Variants in SPATA31A7 observed in about 807,000 individuals in gnomAD.
SPATA31A7 encodes SPATA31 subfamily A member 7.
A neutral mutation model predicts 40.5 loss-of-function variants in SPATA31A7; 2 were observed. The observed-to-expected ratio is 0.05, with a 90% CI of 0.02 to 0.16. The LOEUF is 0.16. Among genes scored for constraint, SPATA31A7 ranks in the 10% least tolerant of loss-of-function variants. The pLI, the probability that SPATA31A7 is intolerant of heterozygous loss-of-function variation, is 1.00. For missense variants in SPATA31A7, 36 were observed against 590.3 expected, an observed-to-expected ratio of 0.06 and a Z score of 9.73; for synonymous variants, 17 against 231.9, an observed-to-expected ratio of 0.07 and a Z score of 8.42.
Position 61,194,008 on chromosome 9 carries a change from GTCCCTGGCAGTCC to G in SPATA31A7, c.1926_1938del (p.Trp643CysfsTer13), listed in dbSNP as rs1372908562. 6.0e-6 allele frequency: 9 copies of G among 1,509,380 alleles called. No homozygotes were observed. The highest frequency in any genetic ancestry group is 6.2e-6 in the Non-Finnish European group (7 of 1,133,410). The allele number at this position is 1,509,380 out of a possible 1,614,324, so 93.5% of individuals were successfully genotyped here. A position where few individuals can be genotyped will look rare whatever the true frequency, so the allele number is the denominator to read the frequency against. On this transcript the variant is annotated frameshift_variant, in exon 4 of 4. Coordinates refer to ENST00000619167, the Ensembl canonical transcript of SPATA31A7. LOFTEE classifies it high-confidence loss of function. The stretch of plus-strand genomic sequence containing the variant: ...ACAAGTCAGGCCAAGGGCAAACCCA[GTCCCTGGCAGTCC>G]TCCATGTCCACAGGTGAAAGCAGCA...
rs1475425773 is a variant in SPATA31A7 at position 61,191,878 on chromosome 9, G to A, written c.248-201G>A. ...TGAGGACTGTGGGGGTGGGGGGTCC[G>A]TGTGTGGAAGCCCTTTGTGAATGAA... On this transcript the variant is annotated intron_variant, in intron 2 of 3. Coordinates refer to ENST00000619167, the Ensembl canonical transcript of SPATA31A7. 227 of 804,792 alleles carry A rather than the reference G, an allele frequency of 2.8e-4. 23 individuals carry two copies. The highest frequency in any genetic ancestry group is 7.7e-4 in the Middle Eastern group (2 of 2,594). The allele number at this position is 804,792 out of a possible 1,614,324, so 49.9% of individuals were successfully genotyped here.
rs1826851873 is a variant in SPATA31A7, at chr9:61,193,473, TC to T, written c.1391del (p.Pro464HisfsTer54). On this transcript the variant is annotated frameshift_variant, in exon 4 of 4. Coordinates refer to ENST00000619167, the Ensembl canonical transcript of SPATA31A7. LOFTEE classifies it high-confidence loss of function. ...CCCAATTCAAAGGGAGACTACAATGTCCCCACTGCTTTTCCAGGCCCAGCCC... is the reference window on the plus strand; with the variant it reads ...CCCAATTCAAAGGGAGACTACAATGTCCCACTGCTTTTCCAGGCCCAGCCC... The T allele has an allele frequency of 1.4e-5, 6 of 435,312 alleles. No individual in the cohort carries two copies. Among genetic ancestry groups the T allele is most frequent in the Non-Finnish European group, 2.2e-5 (6 of 278,488 alleles). The allele number at this position is 435,312 out of a possible 1,614,324, so 27.0% of individuals were successfully genotyped here.
chr9:61,191,545 G>A lies in SPATA31A7; in HGVS notation c.247+35G>A, dbSNP rs1587571145. 1.5e-6 allele frequency: 2 copies of A among 1,301,796 alleles called. 1 individual carries two copies. The highest frequency in any genetic ancestry group is 7.6e-5 in the East Asian group (2 of 26,478). The allele number at this position is 1,301,796 out of a possible 1,614,324, so 80.6% of individuals were successfully genotyped here. On this transcript the variant is annotated intron_variant, in intron 2 of 3. Coordinates refer to ENST00000619167, the Ensembl canonical transcript of SPATA31A7. ...TGCCAGAGCACACTAGAGTTAATTT[G>A]ATCTCATCTGTCCCGAAGGGAACTG... is the stretch of plus-strand genomic sequence containing the variant.
chr9:61,191,835 C>T, intron 2 of SPATA31A7: 1 of 556,242 alleles, frequency 1.8e-6, no homozygotes, highest in Non-Finnish European at 3.2e-6. Flanking sequence ...TCAGTCCTTT[C>T]TCCCCACAGG....
intron 1 of SPATA31A7, chr9:61,190,892 T>G: frequency 4.6e-5 from 1 of 21,828 alleles, no homozygotes. Flanking sequence ...TTTATTTTAT[T>G]TTATTTTATT....
intron 1 of SPATA31A7, chr9:61,190,905 A>G (rs1587570775): frequency 1.1e-4 from 2 of 18,780 alleles, no homozygotes; most frequent in Non-Finnish European, 2.3e-4. Flanking sequence ...ATTTTATTTT[A>G]TTTTATTTTA....
intron 1 of SPATA31A7, 141 bp from the exon 2 acceptor site, chr9:61,191,312 T>C (rs1163058336): frequency 2.7e-6 from 2 of 751,922 alleles, no homozygotes; most frequent in South Asian, 2.0e-5. Context: ...GAGAGAGCCA[T>C]GCGGTTCCTG....
intron 1 of SPATA31A7, chr9:61,190,810 A>C (rs1235018603): frequency 3.8e-5 from 1 of 26,274 alleles, no homozygotes; most frequent in Non-Finnish European, 8.0e-5. Flanking sequence ...CATATTGAAA[A>C]TCCCTCTGTG....
chr9:61,192,538 C>A, exon 4 of SPATA31A7: 1 of 1,575,536 alleles, frequency 6.3e-7, no homozygotes, highest in East Asian at 2.3e-5. Context: ...ATTCTCTCCC[C>A]GTTAGCTTCC....
chr9:61,192,197 G>A, intron 3 of SPATA31A7, 58 bp downstream of exon 3: 1 of 1,546,372 alleles, frequency 6.5e-7, no homozygotes, highest in South Asian at 1.2e-5. Context: ...TGACCCCAGG[G>A]CCACAGGCAG....
intron 2 of SPATA31A7, 106 bp from the exon 3 acceptor site, chr9:61,191,973 C>T (rs1826823519): frequency 1.7e-6 from 2 of 1,194,610 alleles, no homozygotes; most frequent in Non-Finnish European, 2.4e-6. Flanking sequence ...TGGGTGGGGT[C>T]CAGGGTCTAA....
chr9:61,192,039 C>G, intron 2 of SPATA31A7, 40 bp from the exon 3 acceptor site: 1 of 1,460,672 alleles, frequency 6.8e-7, no homozygotes, highest in Non-Finnish European at 9.3e-7. Flanking sequence ...AGAACCCAGG[C>G]CCCTCCCTCA....
intron 1 of SPATA31A7, chr9:61,190,871 G>T (rs1587570721): frequency 2.8e-5 from 1 of 35,152 alleles, no homozygotes; most frequent in Admixed American, 3.5e-4. Flanking sequence ...ATTTGTGTGT[G>T]TTATTTTTAT....
intron 2 of SPATA31A7, chr9:61,191,814 T>C: frequency 7.4e-6 from 4 of 538,520 alleles, no homozygotes; most frequent in Non-Finnish European, 1.3e-5. Context: ...TGATTCCTCT[T>C]TGAGACCACC....
At chr9:61,192,094 C>G (rs1389827472) in exon 3 of SPATA31A7, 1 of 1,536,682 alleles carries the variant, frequency 6.5e-7, no homozygotes, top group African/African-American at 1.7e-5. Flanking sequence ...AGAGAGTGCC[C>G]GAGAGGCCTG....
Position 61,193,890 on chromosome 9 carries a change from C to A in SPATA31A7, c.1804C>A (p.His602Asn). ...TGAACTCCGGAGACAACTGGAGCAACACATAAAAAAGTGGATCATCCAACA... is the reference window on the plus strand; with the variant it reads ...TGAACTCCGGAGACAACTGGAGCAAAACATAAAAAAGTGGATCATCCAACA... Residue 602 changes from histidine (H) to asparagine (N), a missense_variant, in exon 4 of 4, where the codon CAC (histidine) becomes AAC (asparagine). His to Asn is a moderately conservative substitution (Grantham distance 68, BLOSUM62 1). Transcript: ENST00000619167. 1.1e-5 allele frequency: 5 copies of A among 461,818 alleles called. 2 individuals are homozygous for A. The highest frequency in any genetic ancestry group is 1.8e-5 in the Non-Finnish European group (5 of 280,482). 28.6% of individuals were successfully genotyped at this position (461,818 alleles called of 1,614,324 possible). A position where few individuals can be genotyped will look rare whatever the true frequency, so the allele number is the denominator to read the frequency against.
At chr9:61,191,237 A>C in intron 1 of SPATA31A7, 1 of 448,846 alleles carries the variant, frequency 2.2e-6, no homozygotes, top group Non-Finnish European at 3.7e-6. Context: ...TCTAAGAAGA[A>C]AAGCAGTTTA....
intron 2 of SPATA31A7, chr9:61,191,860 T>A (rs1176999078): frequency 1.5e-6 from 1 of 657,082 alleles, no homozygotes; most frequent in Non-Finnish European, 2.5e-6. Flanking sequence ...TTGTGAGGAC[T>A]GTGGGGGTGG....
intron 2 of SPATA31A7, 150 bp downstream of exon 2, chr9:61,191,660 A>G: frequency 3.0e-6 from 2 of 658,662 alleles, no homozygotes; most frequent in Non-Finnish European, 4.7e-6. Context: ...CCATGCGGGA[A>G]TGAAGCCATG....
Sources: allele counts gnomAD v4.1 joint callset, GRCh38; gene constraint gnomAD v4.1.1; transcripts MANE v1.5; gene names NCBI Gene and HGNC (gene_info 2026-07-23, HGNC 2026-07-21).